TNRC18: variants seen among roughly 807,000 people sequenced by gnomAD.
TNRC18 encodes trinucleotide repeat-containing gene 18 protein.
In TNRC18, 69 loss-of-function variants were observed where a neutral mutation model predicts 226.7. That is an observed-to-expected ratio of 0.30 (90% CI 0.25 to 0.37). TNRC18 has a LOEUF of 0.37. TNRC18 is among the 10% of genes least tolerant of loss of function. The pLI, the probability that TNRC18 is intolerant of heterozygous loss-of-function variation, is 1.00. For missense variants in TNRC18, 4,754 were observed against 4,256.6 expected, an observed-to-expected ratio of 1.12 and a Z score of -3.25; for synonymous variants, 2,449 against 1,927.6, an observed-to-expected ratio of 1.27 and a Z score of -7.09.
chr7:5,310,105 G>A (rs1388372697), intron 27 of TNRC18, among the ~76,000 whole-genome samples: 2 of 152,106 alleles, frequency 1.3e-5, no homozygotes, highest in African/African-American at 4.8e-5. Flanking sequence ...GTCTCACTAT[G>A]TTGCCCAAGA....
Position 5,394,527 on chromosome 7 carries a change from C to G in TNRC18, c.256G>C (p.Val86Leu), listed in dbSNP as rs1266592289. Reference protein sequence around the residue: ...GPSASSHGSPVPLPSDLSFRS... With the variant: ...GPSASSHGSPLPLPSDLSFRS... Reference sequence around the variant, plus strand: ...AAAGACAGGTCAGAGGGCAGTGGCACTGGGCTCCCATGGGACGAGGCCGAG... The same window carrying G: ...AAAGACAGGTCAGAGGGCAGTGGCAGTGGGCTCCCATGGGACGAGGCCGAG... The change falls in exon 3 of 30, where the codon GTG becomes CTG. Residue 86 changes from valine (V) to leucine (L), a missense_variant. By Grantham distance (32) the Val-to-Leu change is conservative. Transcript: ENST00000430969. The surrounding 1 kb of genome is among the most constrained non-coding windows in gnomAD (Gnocchi z 4.5). 6.4e-7 allele frequency: 1 copy of G among 1,555,196 alleles called. No homozygotes were observed. The highest frequency in any genetic ancestry group is 8.7e-7 in the Non-Finnish European group (1 of 1,151,668).
rs1691249435 is a variant in TNRC18 at position 5,313,287 on chromosome 7, A to G, written c.7604T>C (p.Phe2535Ser). ...LAQEPGPGLT[F>S]EDSGNPKSPD... ...GCTCTTGGGGTTCCCAGAGTCCTCGAACGTGAGCCCCGGCCCGGGCTCCTG... is the reference window on the plus strand; with the variant it reads ...GCTCTTGGGGTTCCCAGAGTCCTCGGACGTGAGCCCCGGCCCGGGCTCCTG... The change falls in exon 27 of 30, where the codon TTC becomes TCC. Residue 2535 changes from phenylalanine to serine, a missense_variant. Phe to Ser is a radical substitution (Grantham distance 155). Transcript: ENST00000430969. 1.3e-6 allele frequency: 2 copies of G among 1,548,318 alleles called. No individual in the cohort carries two copies. The highest frequency in any genetic ancestry group is 1.7e-6 in the Non-Finnish European group (2 of 1,146,582).
chr7:5,375,794 C>A (rs1794613263), intron 9 of TNRC18, among the ~76,000 whole-genome samples: 2 of 152,178 alleles, frequency 1.3e-5, no homozygotes, highest in South Asian at 4.1e-4. Flanking sequence ...GCTCCTGCAC[C>A]CTGCCCTGCC....
chr7:5,395,285 T>TG (rs1230693710), intron 2 of TNRC18, among the ~76,000 whole-genome samples: 2 of 151,496 alleles, frequency 1.3e-5, no homozygotes, highest in Admixed American at 1.3e-4. Context: ...GCGGCAGGCG[T>TG]GGGGGCCGCT....
At chr7:5,320,884 G>A (rs940057340) in intron 22 of TNRC18, among the ~76,000 whole-genome samples, 189 bp downstream of exon 22, 4 of 152,246 alleles carry the variant, frequency 2.6e-5, no homozygotes, top group Admixed American at 6.5e-5. Context: ...GCCCCTGGGA[G>A]GGTTCACCCA....
chr7:5,379,976 A>T (rs547591698), intron 5 of TNRC18, among the ~76,000 whole-genome samples: 1 of 152,216 alleles, frequency 6.6e-6, no homozygotes, highest in African/African-American at 2.4e-5. Flanking sequence ...TCAGGGGATC[A>T]GCCGCCAGCA....
Position 5,324,008 on chromosome 7 carries a change from C to T in TNRC18, c.6442+206G>A, listed in dbSNP as rs537995369. Among the ~76,000 whole-genome samples the T allele has an allele frequency of 9.8e-5, 15 of 152,352 alleles. No individual in the cohort carries two copies. Among genetic ancestry groups the T allele is most frequent in the African/African-American group, 3.4e-4 (14 of 41,586 alleles). ...TGCCTCCTCCCTGGTCCCAGGGCCG[C>T]TCTCTTGCCTCATCTGCAGTTGACT... is the stretch of plus-strand genomic sequence containing the variant. On this transcript the variant is annotated intron_variant, in intron 21 of 29. Transcript: ENST00000430969. The surrounding 1 kb of genome is among the most constrained non-coding windows in gnomAD (Gnocchi z 4.8).
Position 5,362,590 on chromosome 7 carries a change from G to A in TNRC18, c.4395+60C>T, listed in dbSNP as rs569815717. The A allele has an allele frequency of 5.4e-5, 78 of 1,456,842 alleles. No individual in the cohort carries two copies. The African/African-American group carries it at 1.1e-3, about 20-fold the overall frequency. The allele number at this position is 1,456,842 out of a possible 1,614,324, so 90.2% of individuals were successfully genotyped here. Reference sequence around the variant, plus strand: ...CCCCAGGCAGTAGGGCACCTCCACAGAGGGGCCTCCCACCCAGCCTCCCCC... The same window carrying A: ...CCCCAGGCAGTAGGGCACCTCCACAAAGGGGCCTCCCACCCAGCCTCCCCC... On this transcript the variant is annotated intron_variant, in intron 12 of 29. Transcript: ENST00000430969.
At chr7:5,315,538 C>G (rs1787767427) in intron 25 of TNRC18, among the ~76,000 whole-genome samples, 1 of 152,000 alleles carries the variant, frequency 6.6e-6, no homozygotes, top group Admixed American at 6.6e-5. Context: ...ATTCTCCTGC[C>G]TCAGCCTCCT....
intron 2 of TNRC18, among the ~76,000 whole-genome samples, chr7:5,396,500 A>C (rs111856781): frequency 6.6e-6 from 1 of 152,182 alleles, no homozygotes; most frequent in Non-Finnish European, 1.5e-5. Flanking sequence ...CTGCACTCCA[A>C]TCCAGGCGAC....
intron 5 of TNRC18, among the ~76,000 whole-genome samples, chr7:5,380,212 G>C (rs908052353): frequency 6.6e-6 from 1 of 152,180 alleles, no homozygotes; most frequent in African/African-American, 2.4e-5. Flanking sequence ...CTGGGAGGCC[G>C]AGGTGGGAGG....
Position 5,387,860 on chromosome 7 carries a change from G to C in TNRC18, c.1964C>G (p.Pro655Arg). Residue 655 changes from proline to arginine, a missense_variant, in exon 5 of 30, where the codon CCC becomes CGC. By Grantham distance (103) the Pro-to-Arg change is moderately radical. Transcript: ENST00000430969. ...AGCTTTGGCGCTCTCGGGCCTCTCG[G>C]GGTCCCGCTTCAGCTGCCGGCCGCC... ...AGGGRQLKRD[P>R]ERPESAKAFG... The C allele has an allele frequency of 1.3e-6, 2 of 1,600,004 alleles. No homozygotes were observed. The highest frequency in any genetic ancestry group is 2.2e-5 in the South Asian group (2 of 90,280).
intron 20 of TNRC18, 41 bp downstream of exon 20, chr7:5,325,055 G>C: frequency 6.5e-7 from 1 of 1,546,420 alleles, no homozygotes; most frequent in Non-Finnish European, 8.7e-7. Context: ...GAGCATGGCT[G>C]AGCCCCCCAC....
At chr7:5,361,019 G>A (rs1055259546) in intron 14 of TNRC18, among the ~76,000 whole-genome samples, 27 of 152,186 alleles carry the variant, frequency 1.8e-4, no homozygotes, top group African/African-American at 6.3e-4. Flanking sequence ...ACCGAGGGAA[G>A]GACGAAGCAT....
At chr7:5,368,423 G>A (rs899443517) in intron 11 of TNRC18, among the ~76,000 whole-genome samples, 1 of 152,108 alleles carries the variant, frequency 6.6e-6, no homozygotes, top group African/African-American at 2.4e-5. Context: ...AGCACTTTGG[G>A]TGGCCAAGGC....
At chr7:5,368,985 T>C (rs949481348) in intron 11 of TNRC18, among the ~76,000 whole-genome samples, 18 of 151,954 alleles carry the variant, frequency 1.2e-4, no homozygotes, top group Admixed American at 9.8e-4. Flanking sequence ...AGGCAACACA[T>C]CCCAGATCAA....
At chr7:5,308,627 C>A (rs1583706582) in intron 29 of TNRC18, among the ~76,000 whole-genome samples, 1 of 152,012 alleles carries the variant, frequency 6.6e-6, no homozygotes, top group East Asian at 1.9e-4. Context: ...CAGAGAGAGT[C>A]AGAGGGCAAG....
Position 5,313,793 on chromosome 7 carries a change from C to A in TNRC18, c.7098G>T (p.Pro2366=). 2 of 1,534,644 alleles carry A rather than the reference C, an allele frequency of 1.3e-6. No individual in the cohort carries two copies. Among genetic ancestry groups the A allele is most frequent in the Non-Finnish European group, 8.8e-7 (1 of 1,141,522 alleles). Reference sequence around the variant, plus strand: ...TCTTCTTGGAACCTGGGGTGCTGCTCGGCTCCAGGGCTAAGGGGGTACTGG... The same window carrying A: ...TCTTCTTGGAACCTGGGGTGCTGCTAGGCTCCAGGGCTAAGGGGGTACTGG... The part of the protein sequence containing the change: ...EVPSTPLALE[P]SSTPGSKKSP... Residue 2366 remains proline (P), a synonymous_variant, in exon 27 of 30, where the codon CCG becomes CCT. Coordinates refer to ENST00000430969, the MANE Select transcript of TNRC18 (RefSeq NM_001080495.3).
chr7:5,345,894 T>C, intron 17 of TNRC18, 84 bp from the exon 18 acceptor site: 2 of 1,471,952 alleles, frequency 1.4e-6, no homozygotes, highest in South Asian at 1.4e-5. Context: ...CAGAGTGGCC[T>C]CTGGGCTCCA....
Sources: gnomAD v4.1 joint callset for allele counts (sites outside exome capture counted in the v4.1 genomes callset) on GRCh38, gnomAD v4.1.1 for gene constraint, Gnocchi (gnomAD v3.1) non-coding constraint, MANE v1.5 for transcripts, NCBI Gene and HGNC (gene_info 2026-07-23, HGNC 2026-07-21) for gene names.